The following LIMS1 variants were observed in gnomAD, a reference collection of about 807,000 sequenced individuals.
LIMS1 encodes the protein LIM and senescent cell antigen-like-containing domain protein 1.
Under a neutral mutation model 44.1 loss-of-function variants are expected in LIMS1, and 18 were observed. The ratio of observed to expected loss-of-function variants is 0.41; its 90% CI spans 0.28 to 0.61. The LOEUF (loss-of-function observed/expected upper bound fraction) is 0.61. Ranked by LOEUF, LIMS1 falls within the 20% of genes least tolerant of loss-of-function variation. The pLI, the probability that LIMS1 is intolerant of heterozygous loss-of-function variation, is 0.32. For missense variants in LIMS1, 201 were observed against 422.0 expected, an observed-to-expected ratio of 0.48 and a Z score of 4.59; for synonymous variants, 93 against 149.1, an observed-to-expected ratio of 0.62 and a Z score of 2.74.
At chr2:108,614,616 A>G (rs959177621) in intron 1 of LIMS1, among the ~76,000 whole-genome samples, 1 of 152,184 alleles carries the variant, frequency 6.6e-6, no homozygotes, top group African/African-American at 2.4e-5. Flanking sequence ...TAAATTTCTA[A>G]ATTAGATTTG....
chr2:108,551,485 G>GCACA (rs1558783695), intron 1 of LIMS1, among the ~76,000 whole-genome samples: 1 of 97,320 alleles, frequency 1.0e-5, no homozygotes, highest in African/African-American at 4.2e-5. Flanking sequence ...ATATATGCGC[G>GCACA]CGCGCGCACA....
At chr2:108,602,933 T>G (rs560552481) in intron 1 of LIMS1, among the ~76,000 whole-genome samples, 127 of 152,032 alleles carry the variant, frequency 8.4e-4, no homozygotes, top group Non-Finnish European at 1.3e-3. Context: ...GCCTGGCTAA[T>G]TTTTTGTATT....
At chr2:108,647,582 G>A (rs909865087) in intron 1 of LIMS1, among the ~76,000 whole-genome samples, 20 of 152,028 alleles carry the variant, frequency 1.3e-4, no homozygotes, top group Non-Finnish European at 2.6e-4. Flanking sequence ...ACTAGCAAAC[G>A]GAATCCAGCA....
At chr2:108,622,973 ATTTTTTTT>A (rs68115708) in intron 1 of LIMS1, among the ~76,000 whole-genome samples, 2 of 123,128 alleles carry the variant, frequency 1.6e-5, no homozygotes, top group Non-Finnish European at 3.5e-5. Flanking sequence ...AAACAACTAG[ATTTTTTTT>A]TTTTTTTTTT....
At chr2:108,559,856 T>TA (rs1685053051) in intron 1 of LIMS1, among the ~76,000 whole-genome samples, 1 of 152,202 alleles carries the variant, frequency 6.6e-6, no homozygotes, top group Non-Finnish European at 1.5e-5. Context: ...TAAAAACTGT[T>TA]ATCTGAAAGT....
rs1467144473 is a variant in LIMS1 at position 108,663,495 on chromosome 2, A to G, written c.192+3731A>G. ...GTATTTTAATTTTTCCCATAAGAAA[A>G]TACTTTTGGGAGTGAAGCGGAGCCA... On this transcript the variant is annotated intron_variant, in intron 2 of 9. Transcript: ENST00000544547. Among the ~76,000 whole-genome samples, 13 of 152,306 alleles carry G rather than the reference A, an allele frequency of 8.5e-5. No homozygotes were observed. In the South Asian group the frequency reaches 2.1e-3, roughly 24 times the overall value.
intron 1 of LIMS1, among the ~76,000 whole-genome samples, chr2:108,584,185 C>G (rs1025115526): frequency 1.3e-5 from 2 of 152,158 alleles, no homozygotes; most frequent in African/African-American, 4.8e-5. Context: ...TCTCCACAAT[C>G]ACAGTGAGCC....
At chr2:108,569,764 C>CCTTCTTTTTTTTTT (rs753691810) in intron 1 of LIMS1, among the ~76,000 whole-genome samples, 1 of 113,102 alleles carries the variant, frequency 8.8e-6, no homozygotes, top group Non-Finnish European at 1.7e-5. Context: ...CCATATCTGG[C>CCTTCTTTTTTTTTT]TTTTTTTTTT....
At chr2:108,561,883 C>T (rs1484464497) in intron 1 of LIMS1, among the ~76,000 whole-genome samples, 1 of 151,918 alleles carries the variant, frequency 6.6e-6, no homozygotes, top group Admixed American at 6.6e-5. Context: ...GCTGGGACTA[C>T]AGGCTCATGC....
chr2:108,612,694 C>T (rs756910091), intron 1 of LIMS1, among the ~76,000 whole-genome samples: 14 of 152,088 alleles, frequency 9.2e-5, no homozygotes, highest in Admixed American at 6.5e-5. Flanking sequence ...GAGCACCTCA[C>T]GAGGCTCCTT....
intron 1 of LIMS1, among the ~76,000 whole-genome samples, chr2:108,593,435 CCGGAGTT>C (rs1686509150): frequency 2.0e-5 from 3 of 152,186 alleles, no homozygotes; most frequent in African/African-American, 7.2e-5. Context: ...AAAGGTCTTG[CCGGAGTT>C]ACTTCTCCAT....
At chr2:108,536,790 C>G (rs1390918770) in intron 1 of LIMS1, among the ~76,000 whole-genome samples, 1 of 152,134 alleles carries the variant, frequency 6.6e-6, no homozygotes, top group East Asian at 1.9e-4. Flanking sequence ...GCCATGTTGT[C>G]CAGGCTAGTC....
chr2:108,657,732 T>C (rs1290790877), intron 1 of LIMS1, among the ~76,000 whole-genome samples: 1 of 152,292 alleles, frequency 6.6e-6, no homozygotes, highest in African/African-American at 2.4e-5. Context: ...CTTTCTCCCT[T>C]CCTTCCTTTT....
intron 1 of LIMS1, among the ~76,000 whole-genome samples, chr2:108,552,576 T>C (rs1684791058): frequency 2.1e-5 from 2 of 96,490 alleles, no homozygotes; most frequent in African/African-American, 7.7e-5. Context: ...TGTATATATA[T>C]ATATTTTGGG....
At chr2:108,662,083 G>A in intron 2 of LIMS1, 1 of 1,472,410 alleles carries the variant, frequency 6.8e-7, no homozygotes, top group Non-Finnish European at 9.4e-7. Context: ...CGGTCCAGGG[G>A]AGCAATAGAG....
chr2:108,634,009 T>G (rs770595071), intron 1 of LIMS1, among the ~76,000 whole-genome samples: 3 of 152,010 alleles, frequency 2.0e-5, no homozygotes, highest in African/African-American at 7.3e-5. Flanking sequence ...TTCTTGGAGG[T>G]TTGTGTTTGA....
At chr2:108,671,336 G>GCT (rs1376286821) in intron 3 of LIMS1, among the ~76,000 whole-genome samples, 2 of 151,992 alleles carry the variant, frequency 1.3e-5, no homozygotes, top group Non-Finnish European at 2.9e-5. Context: ...AAAACCTAGA[G>GCT]ATCATTGATT....
At chr2:108,621,878 TG>T (rs1354814807) in intron 1 of LIMS1, among the ~76,000 whole-genome samples, 1 of 152,064 alleles carries the variant, frequency 6.6e-6, no homozygotes, top group African/African-American at 2.4e-5. Context: ...AGGGGTGCCA[TG>T]GAGATTGTTA....
intron 1 of LIMS1, among the ~76,000 whole-genome samples, chr2:108,641,949 T>C (rs773035767): frequency 3.2e-4 from 49 of 152,196 alleles, no homozygotes; most frequent in Non-Finnish European, 5.3e-4. Context: ...TTTAGTAGTC[T>C]GGGGGAAATT....
Sources: allele counts gnomAD v4.1 joint callset (sites outside exome capture counted in the v4.1 genomes callset), GRCh38; gene constraint gnomAD v4.1.1; transcripts MANE v1.5; gene names NCBI Gene and HGNC (gene_info 2026-07-23, HGNC 2026-07-21).